The following EXOC6 variants were observed in gnomAD, a reference collection of about 807,000 sequenced individuals.
EXOC6 encodes the protein exocyst complex component 6.
EXOC6 carries 60 observed loss-of-function variants against 112.5 expected under a neutral mutation model. The observed-to-expected ratio is 0.53, with a 90% CI of 0.43 to 0.66. The LOEUF (loss-of-function observed/expected upper bound fraction) is 0.66. Ranked by LOEUF, EXOC6 falls within the 30% of genes least tolerant of loss-of-function variation. EXOC6 has a pLI of 0.00. For synonymous variants in EXOC6, 295 were observed against 308.0 expected, an observed-to-expected ratio of 0.96 and a Z score of 0.44; for missense variants, 855 against 957.1, an observed-to-expected ratio of 0.89 and a Z score of 1.41.
intron 9 of EXOC6, 150 bp downstream of exon 9, chr10:92,928,572 G>A: frequency 2.0e-6 from 1 of 488,344 alleles, no homozygotes; most frequent in Non-Finnish European, 3.6e-6. Context: ...GGTGCTAAGG[G>A]TACAGCAGTG....
intron 8 of EXOC6, among the ~76,000 whole-genome samples, chr10:92,922,073 G>A (rs909918901): frequency 3.9e-5 from 6 of 151,986 alleles, no homozygotes; most frequent in Non-Finnish European, 8.8e-5. Flanking sequence ...AGCCTCCCAA[G>A]TAGCTGGGAT....
chr10:93,007,331 C>T lies in EXOC6; in HGVS notation c.2096-6863C>T, dbSNP rs547617882. ...ATACAAATAACTCATGTTTTGCCTA[C>T]AGGTATTCTTTGTTCTCTTAAAACT... is the stretch of plus-strand genomic sequence containing the variant. On this transcript the variant is annotated intron_variant, in intron 19 of 21. Coordinates refer to ENST00000260762, the MANE Select transcript of EXOC6 (RefSeq NM_019053.6). 4.0e-5 allele frequency among the ~76,000 whole-genome samples: 6 copies of T among 151,766 alleles called. No individual in the cohort carries two copies. In the South Asian group the frequency reaches 1.2e-3, roughly 32 times the overall value.
intron 8 of EXOC6, among the ~76,000 whole-genome samples, chr10:92,927,974 C>T (rs1341800524): frequency 6.6e-6 from 1 of 152,090 alleles, no homozygotes; most frequent in Admixed American, 6.6e-5. Context: ...GCTCATGTTA[C>T]ACATAGGGCC....
chr10:93,026,257 T>G (rs895964227), intron 20 of EXOC6, among the ~76,000 whole-genome samples: 1 of 152,198 alleles, frequency 6.6e-6, no homozygotes, highest in Admixed American at 6.5e-5. Context: ...AGTGTTTACC[T>G]AGGAGTGGAA....
intron 18 of EXOC6, among the ~76,000 whole-genome samples, chr10:92,988,267 G>A (rs1261310583): frequency 6.6e-6 from 1 of 151,546 alleles, no homozygotes; most frequent in African/African-American, 2.4e-5. Context: ...CTTTTTTTCC[G>A]TATTTGTCTT....
At chr10:92,940,545 C>A (rs1157031724) in intron 12 of EXOC6, among the ~76,000 whole-genome samples, 182 bp from the exon 13 acceptor site, 1 of 152,044 alleles carries the variant, frequency 6.6e-6, no homozygotes, top group Non-Finnish European at 1.5e-5. Context: ...TCTTTCTGAA[C>A]CTCTTTTTTT....
chr10:92,939,411 G>A (rs1275789494), intron 12 of EXOC6, among the ~76,000 whole-genome samples: 1 of 152,024 alleles, frequency 6.6e-6, no homozygotes, highest in African/African-American at 2.4e-5. Context: ...TACTCAGTGT[G>A]TGTGTGTATG....
chr10:92,851,343 G>A (rs1429103121), intron 1 of EXOC6, among the ~76,000 whole-genome samples: 2 of 152,100 alleles, frequency 1.3e-5, no homozygotes, highest in African/African-American at 4.8e-5. Flanking sequence ...AAAAGGAGAC[G>A]ATACAAATTA....
chr10:92,836,794 G>T (rs752732803), intron 1 of EXOC6, among the ~76,000 whole-genome samples: 1 of 152,146 alleles, frequency 6.6e-6, no homozygotes, highest in Non-Finnish European at 1.5e-5. Context: ...GAACACATCA[G>T]CTCATGTGGC....
chr10:92,980,180 A>G (rs746410805), intron 18 of EXOC6, among the ~76,000 whole-genome samples: 23 of 152,288 alleles, frequency 1.5e-4, no homozygotes, highest in African/African-American at 5.5e-4. Flanking sequence ...GTGCTTGAGG[A>G]TGTGCATAGA....
intron 4 of EXOC6, among the ~76,000 whole-genome samples, chr10:92,896,179 ATATTTTTTTTTTTTTTTTTTT>A (rs1849808292): frequency 1.2e-3 from 16 of 13,076 alleles, no homozygotes; most frequent in South Asian, 8.4e-3. Flanking sequence ...ATATATATAT[ATATTTTTTTTTTTTTTTTTTT>A]TTTTTTTTTT....
intron 1 of EXOC6, among the ~76,000 whole-genome samples, chr10:92,839,024 G>A (rs1269704863): frequency 2.6e-5 from 4 of 151,786 alleles, no homozygotes; most frequent in African/African-American, 9.7e-5. Flanking sequence ...TGTAAGCCGA[G>A]ATCGGGCCAC....
At chr10:92,882,280 A>C (rs1029668524) in intron 1 of EXOC6, among the ~76,000 whole-genome samples, 1 of 152,116 alleles carries the variant, frequency 6.6e-6, no homozygotes, top group Non-Finnish European at 1.5e-5. Flanking sequence ...ACAGTGGCTC[A>C]CGGCTGTAAT....
chr10:93,026,853 A>G (rs1409729222), intron 20 of EXOC6, among the ~76,000 whole-genome samples: 3 of 152,182 alleles, frequency 2.0e-5, no homozygotes, highest in African/African-American at 7.2e-5. Flanking sequence ...CAATATTGAA[A>G]TTAGGCTAAT....
intron 1 of EXOC6, among the ~76,000 whole-genome samples, chr10:92,839,822 T>C (rs1404937962): frequency 8.1e-6 from 1 of 123,744 alleles, no homozygotes; most frequent in Non-Finnish European, 1.7e-5. Flanking sequence ...GCAAAGTTAG[T>C]GGGAGGTAGA....
intron 1 of EXOC6, among the ~76,000 whole-genome samples, chr10:92,876,068 C>T (rs1848675206): frequency 6.6e-6 from 1 of 151,950 alleles, no homozygotes; most frequent in African/African-American, 2.4e-5. Context: ...TTGACAATGC[C>T]TATTATAATG....
chr10:93,059,249 C>G lies in EXOC6; in HGVS notation c.*894C>G, dbSNP rs75361651. 1 of 152,148 alleles carries G rather than the reference C, an allele frequency of 6.6e-6. No individual in the cohort carries two copies. Among genetic ancestry groups the G allele is most frequent in the Admixed American group, 6.5e-5 (1 of 15,276 alleles). The allele number at this position is 152,148 out of a possible 1,614,324, so 9.4% of individuals were successfully genotyped here. A position where few individuals can be genotyped will look rare whatever the true frequency, so the allele number is the denominator to read the frequency against. On this transcript the variant is annotated 3_prime_UTR_variant, in exon 22 of 22. Coordinates refer to ENST00000260762, the MANE Select transcript of EXOC6 (RefSeq NM_019053.6). The stretch of plus-strand genomic sequence containing the variant: ...GTGGAAACAAGCCAAACCAAATGAA[C>G]TCTGGAAAACCTAAAACAAATGTAC...
At chr10:92,918,454 C>G (rs576729604) in intron 7 of EXOC6, among the ~76,000 whole-genome samples, 1 of 150,780 alleles carries the variant, frequency 6.6e-6, no homozygotes, top group African/African-American at 2.4e-5. Flanking sequence ...TACTCTGTCA[C>G]CCAGGCTGGA....
chr10:92,948,379 G>A lies in EXOC6; in HGVS notation c.1416G>A (p.Lys472=). The A allele has an allele frequency of 6.6e-7, 1 of 1,511,696 alleles. No homozygotes were observed. Among genetic ancestry groups the A allele is most frequent in the Non-Finnish European group, 9.0e-7 (1 of 1,114,670 alleles). The allele number at this position is 1,511,696 out of a possible 1,614,324, so 93.6% of individuals were successfully genotyped here. Residue 472 remains lysine, a splice_region_variant and synonymous_variant, in exon 14 of 22, where the codon AAG becomes AAA. Coordinates refer to ENST00000260762, the MANE Select transcript of EXOC6 (RefSeq NM_019053.6). ...CCTTTCAAGATCCAGACCTTGAAAA[G>A]GTACAAGCTAGTTTTTAATTCAAGG... ...KFPFQDPDLE[K]QSFPKKFPMS... is the part of the protein sequence containing the mutation.
Sources: gnomAD v4.1 joint callset for allele counts (sites outside exome capture counted in the v4.1 genomes callset) on GRCh38, gnomAD v4.1.1 for gene constraint, MANE v1.5 for transcripts, NCBI Gene and HGNC (gene_info 2026-07-23, HGNC 2026-07-21) for gene names.